Variants in KLHL1 observed in about 807,000 individuals in gnomAD.
KLHL1 encodes kelch-like protein 1.
A neutral mutation model predicts 77.7 loss-of-function variants in KLHL1; 47 were observed. That is an observed-to-expected ratio of 0.60 (90% confidence interval 0.48 to 0.77). The LOEUF (loss-of-function observed/expected upper bound fraction) is 0.77, where lower values mean the gene tolerates loss of function less well. Among genes scored for constraint, KLHL1 ranks in the 30% least tolerant of loss-of-function variants. KLHL1 has a pLI of 0.00. For synonymous variants in KLHL1, 360 were observed against 325.2 expected, an observed-to-expected ratio of 1.11 and a Z score of -1.15; for missense variants, 925 against 910.8, an observed-to-expected ratio of 1.02 and a Z score of -0.20.
At chr13:69,860,849 A>C (rs1880126415) in intron 5 of KLHL1, among the ~76,000 whole-genome samples, 1 of 151,474 alleles carries the variant, frequency 6.6e-6, no homozygotes, top group South Asian at 2.1e-4. Flanking sequence ...TTAGAATTAC[A>C]TATTTAAAAA....
chr13:69,927,195 T>A (rs1882845332), intron 4 of KLHL1, among the ~76,000 whole-genome samples: 1 of 152,082 alleles, frequency 6.6e-6, no homozygotes, highest in Non-Finnish European at 1.5e-5. Context: ...TGTATACATG[T>A]GTACACATGA....
chr13:69,979,712 C>A (rs996537038), intron 1 of KLHL1, among the ~76,000 whole-genome samples: 1 of 152,064 alleles, frequency 6.6e-6, no homozygotes, highest in Non-Finnish European at 1.5e-5. Context: ...TTTGGCCCAA[C>A]AATACAAAGC....
chr13:69,873,711 T>C, intron 5 of KLHL1, among the ~76,000 whole-genome samples: 1 of 152,162 alleles, frequency 6.6e-6, no homozygotes. Context: ...TGTATACCTA[T>C]GTAACAAACC....
At chr13:69,760,919 G>A (rs1037756255) in intron 7 of KLHL1, among the ~76,000 whole-genome samples, 1 of 151,958 alleles carries the variant, frequency 6.6e-6, no homozygotes, top group Non-Finnish European at 1.5e-5. Flanking sequence ...TGCTTCTGGG[G>A]CCTAATTCTG....
intron 7 of KLHL1, among the ~76,000 whole-genome samples, chr13:69,765,688 C>A (rs542944473): frequency 1.3e-5 from 2 of 152,200 alleles, no homozygotes; most frequent in East Asian, 1.9e-4. Flanking sequence ...AATTTTTAGT[C>A]TTTTACAGCT....
intron 4 of KLHL1, among the ~76,000 whole-genome samples, chr13:69,925,569 T>A (rs945917162): frequency 6.6e-6 from 1 of 152,172 alleles, no homozygotes; most frequent in Non-Finnish European, 1.5e-5. Flanking sequence ...ATTATTTAAT[T>A]TACTAGAAGA....
At position 69,940,102 on chromosome 13, in the gene KLHL1, G is replaced by T; in HGVS notation, c.952C>A (p.Arg318=). 1 of 1,612,846 alleles carries T rather than the reference G, an allele frequency of 6.2e-7. No individual in the cohort carries two copies. Among genetic ancestry groups the T allele is most frequent in the Non-Finnish European group, 8.5e-7 (1 of 1,179,444 alleles). The change falls in exon 4 of 11, where the codon CGA becomes AGA. Residue 318 remains arginine (R), a synonymous_variant. Coordinates refer to ENST00000377844, the MANE Select transcript of KLHL1 (RefSeq NM_020866.3). ...CATCCTTGAGCATCTGCGAAGGCTC[G>T]AATTCCTAAACAGTTAGATGGATGC... The part of the protein sequence containing the change: ...LLHPSNCLGI[R]AFADAQGCIE...
chr13:69,729,010 T>A (rs908062387), intron 8 of KLHL1, among the ~76,000 whole-genome samples: 7 of 152,026 alleles, frequency 4.6e-5, no homozygotes, highest in Non-Finnish European at 8.8e-5. Context: ...GAAAATTTTT[T>A]AAAAATCACA....
At chr13:69,748,350 G>A (rs1003714009) in intron 7 of KLHL1, among the ~76,000 whole-genome samples, 1 of 152,026 alleles carries the variant, frequency 6.6e-6, no homozygotes, top group Admixed American at 6.6e-5. Flanking sequence ...GGAGGCCTCA[G>A]AATCATGGCA....
intron 2 of KLHL1, among the ~76,000 whole-genome samples, chr13:69,966,389 A>T (rs537682900): frequency 4.6e-5 from 7 of 152,114 alleles, no homozygotes; most frequent in African/African-American, 7.2e-5. Flanking sequence ...GGACGACAGC[A>T]CATCGTTTGC....
At chr13:70,020,851 T>C (rs1240928583) in intron 1 of KLHL1, among the ~76,000 whole-genome samples, 1 of 152,070 alleles carries the variant, frequency 6.6e-6, no homozygotes, top group African/African-American at 2.4e-5. Flanking sequence ...GTATTTTCTA[T>C]TTTTTACTTT....
intron 6 of KLHL1, among the ~76,000 whole-genome samples, chr13:69,814,173 G>A (rs1402971844): frequency 8.6e-5 from 13 of 151,916 alleles, no homozygotes; most frequent in Middle Eastern, 3.2e-3. Flanking sequence ...AAATGGTTTC[G>A]GGAACACAGG....
intron 7 of KLHL1, among the ~76,000 whole-genome samples, chr13:69,794,426 C>T (rs1877011123): frequency 6.6e-6 from 1 of 151,040 alleles, no homozygotes; most frequent in African/African-American, 2.4e-5. Flanking sequence ...TACCATTAAC[C>T]AGCATTAGAA....
intron 5 of KLHL1, among the ~76,000 whole-genome samples, chr13:69,842,822 T>C (rs181072516): frequency 6.6e-6 from 1 of 151,910 alleles, no homozygotes; most frequent in East Asian, 1.9e-4. Context: ...AAAGAAAATG[T>C]GGTATATATA....
At chr13:69,784,015 C>A (rs1200206094) in intron 7 of KLHL1, among the ~76,000 whole-genome samples, 1 of 152,140 alleles carries the variant, frequency 6.6e-6, no homozygotes, top group Non-Finnish European at 1.5e-5. Context: ...CCAGAAGAGA[C>A]TGGGGGCCAA....
At chr13:70,073,224 G>A (rs187767299) in intron 1 of KLHL1, among the ~76,000 whole-genome samples, 4 of 152,164 alleles carry the variant, frequency 2.6e-5, no homozygotes, top group East Asian at 1.9e-4. Flanking sequence ...AATACTATGC[G>A]GCCATAAAAA....
At chr13:69,914,978 G>A (rs1274752537) in intron 4 of KLHL1, among the ~76,000 whole-genome samples, 1 of 151,952 alleles carries the variant, frequency 6.6e-6, no homozygotes, top group Admixed American at 6.6e-5. Flanking sequence ...TCACTTTTTG[G>A]CCCTCAGAAT....
At chr13:69,950,293 T>G (rs58298316) in intron 3 of KLHL1, among the ~76,000 whole-genome samples, 20,969 of 151,652 alleles carry the variant, frequency 0.14, 2,384 homozygotes, top group African/African-American at 0.29. Context: ...TACTTAAATT[T>G]CTTTAAAGCT....
At chr13:69,954,595 C>T (rs59614129) in intron 3 of KLHL1, among the ~76,000 whole-genome samples, 7,292 of 151,370 alleles carry the variant, frequency 0.048, 235 homozygotes, top group African/African-American at 0.096. Context: ...GTGGTAGATA[C>T]ATAACCCTTA....
Sources: allele counts gnomAD v4.1 joint callset (sites outside exome capture counted in the v4.1 genomes callset), GRCh38; gene constraint gnomAD v4.1.1; transcripts MANE v1.5; gene names NCBI Gene and HGNC (gene_info 2026-07-23, HGNC 2026-07-21).